ZC3H12B: variants seen among roughly 807,000 people sequenced by gnomAD.
ZC3H12B encodes the protein zinc finger CCCH-type containing 12B.
A neutral mutation model predicts 43.9 loss-of-function variants in ZC3H12B; 7 were observed. That is an observed-to-expected ratio of 0.16 (90% CI 0.09 to 0.30). The LOEUF is 0.30. ZC3H12B is among the 10% of genes least tolerant of loss of function. The pLI, the probability that ZC3H12B is intolerant of heterozygous loss-of-function variation, is 1.00. For missense variants in ZC3H12B, 475 were observed against 670.2 expected (o/e 0.71, Z 3.22); for synonymous variants, 222 against 241.7 (o/e 0.92, Z 0.76).
intron 2 of ZC3H12B, 35 bp downstream of exon 7, chrX:65,497,306 G>A (rs1299660314): frequency 8.6e-7 from 1 of 1,162,713 alleles, no homozygotes; most frequent in Admixed American, 2.4e-5. Flanking sequence ...TTCTCATCTA[G>A]AGGCAAATCT....
intron 3 of ZC3H12B, among the ~76,000 whole-genome samples, chrX:65,428,363 T>G (rs1255288056): frequency 8.9e-6 from 1 of 112,398 alleles, no homozygotes; most frequent in Non-Finnish European, 1.9e-5. Context: ...GTTTTCCAAC[T>G]TGGTTACATT....
At chrX:65,450,439 G>GTA (rs1212737389) in intron 3 of ZC3H12B, among the ~76,000 whole-genome samples, 3 of 56,033 alleles carry the variant, frequency 5.4e-5, no homozygotes, top group Non-Finnish European at 9.1e-5. Context: ...ATTTATATGT[G>GTA]TATATATATA....
At chrX:65,449,018 G>A (rs868226312) in intron 3 of ZC3H12B, among the ~76,000 whole-genome samples, 4 of 8,040 alleles carry the variant, frequency 5.0e-4, no homozygotes, top group African/African-American at 7.1e-4. Context: ...AAGAAAGGAA[G>A]GAAAGAAGGA....
the ZC3H12B span, among the ~76,000 whole-genome samples, chrX:65,228,505 T>C: frequency 9.0e-6 from 1 of 110,922 alleles, no homozygotes; most frequent in East Asian, 2.8e-4. Context: ...ACCACTCCTA[T>C]TCAACATAGT....
At chrX:65,423,185 C>T (rs2067040682) in intron 3 of ZC3H12B, among the ~76,000 whole-genome samples, 1 of 111,001 alleles carries the variant, frequency 9.0e-6, no homozygotes, top group South Asian at 3.8e-4. Flanking sequence ...CATGCCTCGG[C>T]CTCCCAAAGT....
the ZC3H12B span, among the ~76,000 whole-genome samples, chrX:65,111,556 A>AT: frequency 1.5e-3 from 140 of 91,741 alleles, 1 homozygote; most frequent in Middle Eastern, 0.015. Context: ...TTTTTTTATT[A>AT]TTTTTTTTTT....
chrX:65,396,543 A>T (rs1245321184), intron 2 of ZC3H12B, among the ~76,000 whole-genome samples: 1 of 109,967 alleles, frequency 9.1e-6, no homozygotes, highest in African/African-American at 3.3e-5. Flanking sequence ...GTGGTCTGAG[A>T]GACAGTTTGT....
chrX:65,474,793 GA>G (rs753907494), intron 3 of ZC3H12B, among the ~76,000 whole-genome samples: 1 of 111,444 alleles, frequency 9.0e-6, no homozygotes, highest in East Asian at 2.8e-4. Flanking sequence ...TATTAGTAGA[GA>G]CAAGGTTTCA....
chrX:65,163,142 G>C, the ZC3H12B span, among the ~76,000 whole-genome samples: 21 of 110,691 alleles, frequency 1.9e-4, no homozygotes, highest in Admixed American at 5.8e-4. Flanking sequence ...TGTCTCAGAG[G>C]AATACCTGGG....
At chrX:65,443,294 C>T (rs1448798608) in intron 3 of ZC3H12B, among the ~76,000 whole-genome samples, 3 of 110,956 alleles carry the variant, frequency 2.7e-5, no homozygotes, top group Non-Finnish European at 3.8e-5. Context: ...ACCATCGCTC[C>T]GGTGCCCCTT....
chrX:65,188,383 A>C, the ZC3H12B span, among the ~76,000 whole-genome samples: 1 of 99,974 alleles, frequency 1.0e-5, no homozygotes. Flanking sequence ...TTTTTTGAGA[A>C]GCCTTCAAAC....
chrX:65,103,915 C>T, the ZC3H12B span, among the ~76,000 whole-genome samples: 1 of 111,793 alleles, frequency 8.9e-6, no homozygotes, highest in Non-Finnish European at 1.9e-5. Flanking sequence ...TTAGAAAAAA[C>T]TACTTTAAAT....
chrX:65,291,126 C>T, the ZC3H12B span, among the ~76,000 whole-genome samples: 1 of 110,507 alleles, frequency 9.0e-6, no homozygotes, highest in African/African-American at 3.3e-5. Context: ...TTGTGATGGC[C>T]ATTATAAAGC....
At chrX:65,461,707 TCTA>T (rs2067750618) in intron 3 of ZC3H12B, among the ~76,000 whole-genome samples, 1 of 110,678 alleles carries the variant, frequency 9.0e-6, no homozygotes, top group Non-Finnish European at 1.9e-5. Context: ...TGTTGTGGGG[TCTA>T]GGTAGGGGGG....
the ZC3H12B span, among the ~76,000 whole-genome samples, chrX:65,336,070 G>C: frequency 8.9e-6 from 1 of 111,974 alleles, no homozygotes; most frequent in Admixed American, 9.4e-5. Flanking sequence ...CCCTCTTTCT[G>C]ACAGAAAGAT....
chrX:65,486,558 T>G (rs1246685240), upstream of ZC3H12B, among the ~76,000 whole-genome samples: 1 of 112,667 alleles, frequency 8.9e-6, no homozygotes, highest in Non-Finnish European at 1.9e-5. Flanking sequence ...ACCAACATTT[T>G]TCTTAAGATA....
chrX:65,112,100 C>T, the ZC3H12B span, among the ~76,000 whole-genome samples: 39 of 112,108 alleles, frequency 3.5e-4, no homozygotes, highest in South Asian at 7.3e-4. Flanking sequence ...ATAAATGACA[C>T]GAAAGTAAAA....
the ZC3H12B span, among the ~76,000 whole-genome samples, chrX:65,292,833 A>T: frequency 3.6e-5 from 4 of 110,289 alleles, no homozygotes; most frequent in Non-Finnish European, 7.6e-5. Context: ...GATAATAAAA[A>T]ATTAGCTGGG....
chrX:65,185,119 G>A, the ZC3H12B span: 3 of 111,191 alleles, frequency 2.7e-5, no homozygotes, highest in African/African-American at 9.8e-5. Context: ...GCATAACTAG[G>A]ACAATCACAA....
Sources: allele counts gnomAD v4.1 joint callset (sites outside exome capture counted in the v4.1 genomes callset), GRCh38; gene constraint gnomAD v4.1.1; transcripts MANE v1.5; gene names NCBI Gene and HGNC (gene_info 2026-07-23, HGNC 2026-07-21).